The following C16orf74 variants were observed in gnomAD, a reference collection of about 807,000 sequenced individuals.
C16orf74 encodes the protein uncharacterized protein C16orf74.
Under a neutral mutation model 6.5 loss-of-function variants are expected in C16orf74, and 10 were observed. That is an observed-to-expected ratio of 1.54 (90% CI 0.95 to 2.61). The LOEUF (loss-of-function observed/expected upper bound fraction) is 2.61, where lower values mean the gene tolerates loss of function less well. Among genes scored for constraint, C16orf74 ranks in the 30% most tolerant of loss-of-function variants. C16orf74 has a pLI of 0.00. For synonymous variants in C16orf74, 60 were observed against 42.5 expected (o/e 1.41, Z -1.60); for missense variants, 141 against 105.9 (o/e 1.33, Z -1.45).
At chr16:85,742,530 CTG>C (rs1166318525) in intron 1 of C16orf74, among the ~76,000 whole-genome samples, 2 of 152,126 alleles carry the variant, frequency 1.3e-5, no homozygotes, top group Non-Finnish European at 2.9e-5. Context: ...GCATGCAGAA[CTG>C]TGAGCCAAAT....
At chr16:85,738,409 C>T (rs2054268162) in intron 1 of C16orf74, among the ~76,000 whole-genome samples, 1 of 151,218 alleles carries the variant, frequency 6.6e-6, no homozygotes, top group Admixed American at 6.6e-5. Context: ...ACCACAACCT[C>T]CACTTCCCAG....
chr16:85,724,027 A>G (rs2054108827), intron 2 of C16orf74, among the ~76,000 whole-genome samples: 1 of 151,572 alleles, frequency 6.6e-6, no homozygotes, highest in South Asian at 2.1e-4. Context: ...TTTTTCAGAG[A>G]CAGGGTCTCA....
chr16:85,736,054 G>A (rs1399701880), intron 1 of C16orf74, among the ~76,000 whole-genome samples: 1 of 152,232 alleles, frequency 6.6e-6, no homozygotes, highest in Admixed American at 6.5e-5. Flanking sequence ...CTAGGCTGGG[G>A]CCCCACCCCA....
At position 85,749,549 on chromosome 16, in the gene C16orf74, T is replaced by C. The variant is rs137996118; in HGVS notation, c.-19+1377A>G. On this transcript the variant is annotated intron_variant, in intron 1 of 3. Transcript: ENST00000284245. ...CCTCCTGCTTTGGCATCCCAAAGTA[T>C]TGCAGCCACAGGCGTGAGCCACTGT... Among the ~76,000 whole-genome samples the C allele has an allele frequency of 8.0e-4, 121 of 151,686 alleles. 3 individuals carry two copies. In the East Asian group the frequency reaches 0.019, roughly 24 times the overall value.
intron 2 of C16orf74, among the ~76,000 whole-genome samples, chr16:85,723,777 G>C (rs1056332634): frequency 6.6e-6 from 1 of 152,250 alleles, no homozygotes; most frequent in South Asian, 2.1e-4. Flanking sequence ...AGGGTGGGCA[G>C]TACTGTGGGG....
chr16:85,730,364 T>C (rs1286962490), intron 2 of C16orf74, among the ~76,000 whole-genome samples: 1 of 152,012 alleles, frequency 6.6e-6, no homozygotes, highest in East Asian at 1.9e-4. Flanking sequence ...AACTTCCCTA[T>C]CTGTAATGTA....
intron 1 of C16orf74, among the ~76,000 whole-genome samples, chr16:85,740,069 G>C (rs754197850): frequency 5.3e-5 from 8 of 150,710 alleles, no homozygotes; most frequent in Admixed American, 5.3e-4. Context: ...AATTAGCCAG[G>C]CGTGGTGGCA....
chr16:85,733,678 C>A (rs1267814544), intron 2 of C16orf74, among the ~76,000 whole-genome samples: 1 of 152,184 alleles, frequency 6.6e-6, no homozygotes, highest in Non-Finnish European at 1.5e-5. Context: ...CCCTCTCAAC[C>A]ACTGTCTGCT....
At chr16:85,736,547 G>A (rs1281775400) in intron 1 of C16orf74, among the ~76,000 whole-genome samples, 1 of 152,166 alleles carries the variant, frequency 6.6e-6, no homozygotes, top group African/African-American at 2.4e-5. Flanking sequence ...ATACCACCAA[G>A]ACATAGACCG....
intron 1 of C16orf74, among the ~76,000 whole-genome samples, chr16:85,737,411 T>C (rs1395290450): frequency 6.6e-6 from 1 of 152,054 alleles, no homozygotes; most frequent in African/African-American, 2.4e-5. Context: ...ACAAAATACC[T>C]TTTCTTCCGG....
intron 2 of C16orf74, among the ~76,000 whole-genome samples, chr16:85,733,427 G>A (rs1375720527): frequency 1.3e-5 from 2 of 152,194 alleles, no homozygotes. Context: ...AACGGGGACA[G>A]AGTTTCAGTT....
chr16:85,741,745 T>A lies in C16orf74; in HGVS notation c.-18-6510A>T, dbSNP rs2054310961. The A allele has an allele frequency of 1.8e-5, 3 of 168,740 alleles. No homozygotes were observed. The South Asian group carries it at 6.2e-4, about 35-fold the overall frequency. The allele number at this position is 168,740 out of a possible 1,614,324, so 10.5% of individuals were successfully genotyped here. A position where few individuals can be genotyped will look rare whatever the true frequency, so the allele number is the denominator to read the frequency against. On this transcript the variant is annotated intron_variant, in intron 1 of 3. Coordinates refer to ENST00000284245, the MANE Select transcript of C16orf74 (RefSeq NM_206967.3). ...GAGGAGCTGTGCCACCTCAAGCAGGTCATTTCCCGAGTCTGAGGTGCTGGG... is the reference window on the plus strand; with the variant it reads ...GAGGAGCTGTGCCACCTCAAGCAGGACATTTCCCGAGTCTGAGGTGCTGGG...
chr16:85,724,528 AGCACG>A (rs1373418224), intron 2 of C16orf74, among the ~76,000 whole-genome samples: 1 of 152,192 alleles, frequency 6.6e-6, no homozygotes, highest in Non-Finnish European at 1.5e-5. Context: ...GACAGTGGAC[AGCACG>A]GAAGCCTTGC....
At chr16:85,727,818 A>T (rs1485704301) in intron 2 of C16orf74, among the ~76,000 whole-genome samples, 1 of 148,414 alleles carries the variant, frequency 6.7e-6, no homozygotes, top group Non-Finnish European at 1.5e-5. Context: ...TGTTTCAAAA[A>T]AACAAAAAGT....
At chr16:85,727,491 C>T (rs542116505) in intron 2 of C16orf74, among the ~76,000 whole-genome samples, 1 of 152,210 alleles carries the variant, frequency 6.6e-6, no homozygotes, top group Non-Finnish European at 1.5e-5. Flanking sequence ...TGGGGGAAAT[C>T]GGAATCACGT....
At chr16:85,723,511 T>G (rs932277621) in intron 2 of C16orf74, among the ~76,000 whole-genome samples, 5 of 152,152 alleles carry the variant, frequency 3.3e-5, no homozygotes, top group Non-Finnish European at 7.4e-5. Flanking sequence ...GGGAAAGCTG[T>G]TAACGCTATG....
chr16:85,719,684 C>T (rs2054059747), intron 2 of C16orf74, among the ~76,000 whole-genome samples: 1 of 152,104 alleles, frequency 6.6e-6, no homozygotes, highest in Non-Finnish European at 1.5e-5. Context: ...TTAGGGGAGA[C>T]TGGGAATTGG....
intron 2 of C16orf74, among the ~76,000 whole-genome samples, chr16:85,713,230 C>T (rs772949737): frequency 5.1e-4 from 78 of 152,220 alleles, no homozygotes; most frequent in Non-Finnish European, 6.9e-4. Context: ...CTACCTCTTG[C>T]CTTCACATTG....
At chr16:85,729,093 A>G (rs1324967114) in intron 2 of C16orf74, among the ~76,000 whole-genome samples, 2 of 152,136 alleles carry the variant, frequency 1.3e-5, no homozygotes, top group Non-Finnish European at 2.9e-5. Flanking sequence ...TGGAACCTGG[A>G]GAGGGCGCAC....
Sources: gnomAD v4.1 joint callset for allele counts (sites outside exome capture counted in the v4.1 genomes callset) on GRCh38, gnomAD v4.1.1 for gene constraint, MANE v1.5 for transcripts, NCBI Gene and HGNC (gene_info 2026-07-23, HGNC 2026-07-21) for gene names.